CBX7: variants seen among roughly 807,000 people sequenced by gnomAD.
CBX7 encodes the protein chromobox protein homolog 7.
A neutral mutation model predicts 31.4 loss-of-function variants in CBX7; 14 were observed. The ratio of observed to expected loss-of-function variants is 0.45; its 90% CI spans 0.29 to 0.70. CBX7 has a LOEUF of 0.70. Among genes scored for constraint, CBX7 ranks in the 30% least tolerant of loss-of-function variants. CBX7 has a pLI of 0.11. For synonymous variants in CBX7, 159 were observed against 152.6 expected (o/e 1.04, Z -0.31); for missense variants, 269 against 351.9 (o/e 0.76, Z 1.89).
At chr22:39,150,155 G>A (rs531805018) in intron 1 of CBX7, among the ~76,000 whole-genome samples, 17 of 152,320 alleles carry the variant, frequency 1.1e-4, no homozygotes, top group African/African-American at 3.4e-4. Flanking sequence ...GTGTGCATGC[G>A]TGGCCAAAGA....
intron 4 of CBX7, among the ~76,000 whole-genome samples, chr22:39,137,683 G>A (rs1459901885): frequency 6.6e-6 from 1 of 152,044 alleles, no homozygotes; most frequent in Non-Finnish European, 1.5e-5. Context: ...GACTCAACCT[G>A]TGACTGCACT....
chr22:39,148,755 C>G (rs946336543), intron 2 of CBX7: 5 of 152,364 alleles, frequency 3.3e-5, no homozygotes, highest in Admixed American at 3.3e-4. Flanking sequence ...ATAGGGCCAC[C>G]AAGCCTGTGA....
chr22:39,140,219 T>C (rs1017809632), intron 3 of CBX7, among the ~76,000 whole-genome samples: 1 of 152,088 alleles, frequency 6.6e-6, no homozygotes. Flanking sequence ...TGTCTGACCA[T>C]CCACTGAGCA....
intron 3 of CBX7, among the ~76,000 whole-genome samples, chr22:39,140,958 T>C (rs994401905): frequency 3.3e-5 from 5 of 152,312 alleles, no homozygotes; most frequent in African/African-American, 1.2e-4. Context: ...AGAGACACCG[T>C]CTCTGATCTG....
intron 2 of CBX7, among the ~76,000 whole-genome samples, chr22:39,144,418 T>G (rs1384626400): frequency 6.6e-6 from 1 of 152,154 alleles, no homozygotes; most frequent in Non-Finnish European, 1.5e-5. Flanking sequence ...CTGCCCCTCC[T>G]CCACCCTCCT....
At chr22:39,142,003 G>A (rs889772790) in intron 2 of CBX7, among the ~76,000 whole-genome samples, 2 of 152,136 alleles carry the variant, frequency 1.3e-5, no homozygotes, top group East Asian at 1.9e-4. Flanking sequence ...AGAGACCCTC[G>A]GGTGCCAGGA....
At chr22:39,139,051 A>G (rs188056600) in intron 3 of CBX7, among the ~76,000 whole-genome samples, 11 of 152,066 alleles carry the variant, frequency 7.2e-5, no homozygotes, top group African/African-American at 2.6e-4. Context: ...TTTTCCTCCT[A>G]GGGGAGTGAT....
intron 2 of CBX7, among the ~76,000 whole-genome samples, chr22:39,143,784 G>C (rs1056407591): frequency 2.0e-5 from 3 of 152,234 alleles, no homozygotes; most frequent in Non-Finnish European, 4.4e-5. Flanking sequence ...GTGCATGCTT[G>C]TAGCCTGGGA....
In CBX7 at chr22:39,133,830, T is replaced by A; in HGVS notation, c.*61A>T. The A allele has an allele frequency of 7.0e-7, 1 of 1,438,702 alleles. No homozygotes were observed. The highest frequency in any genetic ancestry group is 9.4e-7 in the Non-Finnish European group (1 of 1,067,560). The allele number at this position is 1,438,702 out of a possible 1,614,324, so 89.1% of individuals were successfully genotyped here. A position where few individuals can be genotyped will look rare whatever the true frequency, so the allele number is the denominator to read the frequency against. ...TTACCCCGCCCCCAACCCATCCCTA[T>A]CTCTGGAAGTCCCACCCCAAGCCCA... On this transcript the variant is annotated 3_prime_UTR_variant, in exon 6 of 6. Transcript: ENST00000216133.
chr22:39,134,581 G>T lies in CBX7; in HGVS notation c.418C>A (p.Arg140Ser). Reference protein sequence around the residue: ...PLVPTLPFPLRKPRKAHKYLR... With the variant: ...PLVPTLPFPLSKPRKAHKYLR... Reference sequence around the variant, plus strand: ...TACTTGTGGGCCTTTCGGGGCTTGCGGAGCGGGAAGGGCAGGGTGGGCACC... The same window carrying T: ...TACTTGTGGGCCTTTCGGGGCTTGCTGAGCGGGAAGGGCAGGGTGGGCACC... Residue 140 changes from arginine (R) to serine (S), a missense_variant, in exon 5 of 6, where the codon CGC becomes AGC. By Grantham distance (110) the Arg-to-Ser change is moderately radical (BLOSUM62 -1). This residue lies in a region of CBX7 where 222 missense variants were observed against 240.4 expected (regional missense o/e 0.92). Transcript: ENST00000216133. The T allele has an allele frequency of 6.3e-7, 1 of 1,597,808 alleles. No homozygotes were observed. The highest frequency in any genetic ancestry group is 8.5e-7 in the Non-Finnish European group (1 of 1,172,800).
At chr22:39,149,894 G>T in intron 1 of CBX7, 62 bp from the exon 2 acceptor site, 1 of 1,371,568 alleles carries the variant, frequency 7.3e-7, no homozygotes, top group Non-Finnish European at 1.0e-6. Flanking sequence ...CACTCGGAAG[G>T]ACAGTTAAGG....
intron 1 of CBX7, among the ~76,000 whole-genome samples, chr22:39,151,734 C>A (rs896631459): frequency 6.6e-6 from 1 of 152,072 alleles, no homozygotes; most frequent in Non-Finnish European, 1.5e-5. Context: ...AGAACAGACA[C>A]CTCCTTAAAT....
chr22:39,136,423 C>G (rs1930256553), intron 4 of CBX7: 1 of 152,726 alleles, frequency 6.5e-6, no homozygotes, highest in African/African-American at 2.4e-5. Flanking sequence ...TGGCTTCTTC[C>G]CTGCTCTCTC....
chr22:39,136,809 T>G (rs927209796), intron 4 of CBX7: 1 of 152,276 alleles, frequency 6.6e-6, no homozygotes, highest in Non-Finnish European at 1.5e-5. Flanking sequence ...TATTCATCTG[T>G]GAGGCACACT....
In CBX7 at chr22:39,134,572, G is replaced by C; in HGVS notation, c.427C>G (p.Arg143Gly). The change falls in exon 5 of 6, where the codon CGA (arginine) becomes GGA (glycine). Residue 143 changes from arginine to glycine, a missense_variant. Transcript: ENST00000216133. Reference sequence around the variant, plus strand: ...AGCCGCAGGTACTTGTGGGCCTTTCGGGGCTTGCGGAGCGGGAAGGGCAGG... The same window carrying C: ...AGCCGCAGGTACTTGTGGGCCTTTCCGGGCTTGCGGAGCGGGAAGGGCAGG... ...PTLPFPLRKPRKAHKYLRLSR... is the reference protein window; with the variant it reads ...PTLPFPLRKPGKAHKYLRLSR... 1 of 1,602,584 alleles carries C rather than the reference G, an allele frequency of 6.2e-7. No homozygotes were observed. The highest frequency in any genetic ancestry group is 1.7e-5 in the Admixed American group (1 of 58,040).
At chr22:39,146,513 C>T (rs746604130) in intron 2 of CBX7, among the ~76,000 whole-genome samples, 27 of 152,340 alleles carry the variant, frequency 1.8e-4, no homozygotes, top group Non-Finnish European at 2.9e-4. Context: ...AGGTGGAAAG[C>T]CTCAGCACTT....
In CBX7 at chr22:39,134,549, C is replaced by T; in HGVS notation, c.450G>A (p.Arg150=). The change falls in exon 5 of 6, where the codon CGG becomes CGA. Residue 150 remains arginine, a synonymous_variant. Coordinates refer to ENST00000216133, the MANE Select transcript of CBX7 (RefSeq NM_175709.5). Reference sequence around the variant, plus strand: ...GGGGCGGGAACTTCTTGCGCGAGAGCCGCAGGTACTTGTGGGCCTTTCGGG... The same window carrying T: ...GGGGCGGGAACTTCTTGCGCGAGAGTCGCAGGTACTTGTGGGCCTTTCGGG... ...RKPRKAHKYL[R]LSRKKFPPRG... 6.2e-7 allele frequency: 1 copy of T among 1,609,490 alleles called. No individual in the cohort carries two copies. Among genetic ancestry groups the T allele is most frequent in the Non-Finnish European group, 8.5e-7 (1 of 1,178,454 alleles).
Position 39,148,123 on chromosome 22 carries a change from C to G in CBX7, c.113+1666G>C, listed in dbSNP as rs74772402. 351 of 152,392 alleles carry G rather than the reference C, an allele frequency of 2.3e-3. 1 individual carries two copies. The highest frequency in any genetic ancestry group is 8.1e-3 in the African/African-American group (335 of 41,562). The allele number at this position is 152,392 out of a possible 1,614,324, so 9.4% of individuals were successfully genotyped here. On this transcript the variant is annotated intron_variant, in intron 2 of 5. Coordinates refer to ENST00000216133, the MANE Select transcript of CBX7 (RefSeq NM_175709.5). ...GGCAGCCAGGCCTAGAACCCAGGAC[C>G]AAAGTGGAGGGGGGTGAGAAGAGGC... is the stretch of plus-strand genomic sequence containing the variant.
intron 5 of CBX7, 21 bp from the exon 6 acceptor site, chr22:39,134,069 A>T: frequency 6.3e-7 from 1 of 1,576,542 alleles, no homozygotes; most frequent in Non-Finnish European, 8.6e-7. Context: ...AGACACACAG[A>T]TGGGGGCAGC....
Sources: gnomAD v4.1 joint callset for allele counts (sites outside exome capture counted in the v4.1 genomes callset) on GRCh38, gnomAD v4.1.1 for gene constraint, gnomAD v4.1.1 regional missense constraint, MANE v1.5 for transcripts, NCBI Gene and HGNC (gene_info 2026-07-23, HGNC 2026-07-21) for gene names.